SYN3: variants seen among roughly 807,000 people sequenced by gnomAD.
SYN3 encodes synapsin III, also known as synapsin-3.
A neutral mutation model predicts 65.8 loss-of-function variants in SYN3; 35 were observed. The ratio of observed to expected loss-of-function variants is 0.53; its 90% CI spans 0.41 to 0.70. The LOEUF is 0.70. Ranked by LOEUF, SYN3 falls within the 30% of genes least tolerant of loss-of-function variation. The pLI is 0.00. For synonymous variants in SYN3, 270 were observed against 292.9 expected (o/e 0.92, Z 0.80); for missense variants, 680 against 749.0 (o/e 0.91, Z 1.08).
chr22:32,536,426 G>A (rs922122819), intron 9 of SYN3, among the ~76,000 whole-genome samples: 3 of 118,520 alleles, frequency 2.5e-5, no homozygotes, highest in African/African-American at 1.1e-4. Context: ...ACTCTGACTT[G>A]GGTATTACTA....
At chr22:32,726,789 C>T (rs138058882) in intron 6 of SYN3, among the ~76,000 whole-genome samples, 148 of 152,216 alleles carry the variant, frequency 9.7e-4, no homozygotes, top group African/African-American at 3.4e-3. Flanking sequence ...TTAAGGGCAA[C>T]GGTGACACTC....
chr22:32,847,722 G>A (rs1388275250), intron 6 of SYN3, among the ~76,000 whole-genome samples: 3 of 152,162 alleles, frequency 2.0e-5, no homozygotes, highest in African/African-American at 4.8e-5. Flanking sequence ...TGTGTGTGAA[G>A]GGTATTTTAC....
chr22:32,704,907 T>A (rs2060860056), intron 6 of SYN3, among the ~76,000 whole-genome samples: 2 of 152,310 alleles, frequency 1.3e-5, no homozygotes, highest in Admixed American at 6.5e-5. Flanking sequence ...TAATGGGTTG[T>A]CTGTTTTTCT....
chr22:32,740,900 T>G (rs7288324), intron 6 of SYN3, among the ~76,000 whole-genome samples: 9,397 of 152,202 alleles, frequency 0.062, 305 homozygotes, highest in African/African-American at 0.088. Flanking sequence ...GAGGTGATCT[T>G]GATGGTCCAT....
At chr22:32,673,508 C>T (rs1461574550) in intron 6 of SYN3, among the ~76,000 whole-genome samples, 1 of 152,200 alleles carries the variant, frequency 6.6e-6, no homozygotes, top group Non-Finnish European at 1.5e-5. Context: ...TCACTGTGTA[C>T]TAGGGAAGGC....
At chr22:32,790,979 C>T (rs2145878310) in intron 6 of SYN3, among the ~76,000 whole-genome samples, 1 of 152,274 alleles carries the variant, frequency 6.6e-6, no homozygotes, top group Non-Finnish European at 1.5e-5. Flanking sequence ...ATCTTTTTAA[C>T]TGATCACTAG....
At chr22:32,540,155 A>T (rs1432363469) in intron 8 of SYN3, among the ~76,000 whole-genome samples, 1 of 152,244 alleles carries the variant, frequency 6.6e-6, no homozygotes, top group Non-Finnish European at 1.5e-5. Flanking sequence ...TAGCCCGTCA[A>T]GCCTAAAATT....
chr22:32,733,546 T>C (rs2061298151), intron 6 of SYN3, among the ~76,000 whole-genome samples: 3 of 152,248 alleles, frequency 2.0e-5, no homozygotes, highest in Admixed American at 2.0e-4. Flanking sequence ...TTCTATCTGA[T>C]GTCTAACATG....
chr22:32,579,279 G>C (rs2146478942), intron 7 of SYN3, among the ~76,000 whole-genome samples: 1 of 152,182 alleles, frequency 6.6e-6, no homozygotes, highest in South Asian at 2.1e-4. Flanking sequence ...AGTCTGTCTG[G>C]GCTGCCATAA....
At position 32,864,937 on chromosome 22, in the gene SYN3, A is replaced by C; in HGVS notation, c.689T>G (p.Phe230Cys). 1 of 1,614,092 alleles carries C rather than the reference A, an allele frequency of 6.2e-7. No individual in the cohort carries two copies. The highest frequency in any genetic ancestry group is 8.5e-7 in the Non-Finnish European group (1 of 1,179,976). Reference protein sequence around the residue: ...PEKFPLVEQTFFPNHKPMVTA... With the variant: ...PEKFPLVEQTCFPNHKPMVTA... ...CACCATTGGCTTATGGTTGGGGAAA[A>C]ATGTTTGCTCCACAAGCGGGAACTT... Residue 230 changes from phenylalanine (F) to cysteine (C), a missense_variant, in exon 6 of 14, where the codon TTT (phenylalanine) becomes TGT (cysteine). Transcript: ENST00000358763.
chr22:32,526,507 A>G (rs2057978995), intron 12 of SYN3, among the ~76,000 whole-genome samples: 1 of 151,604 alleles, frequency 6.6e-6, no homozygotes, highest in African/African-American at 2.4e-5. Flanking sequence ...ATATATATAT[A>G]ATTTATTTAT....
chr22:33,028,708 G>A, intron 1 of SYN3, among the ~76,000 whole-genome samples: 1 of 148,736 alleles, frequency 6.7e-6, no homozygotes, highest in Admixed American at 6.7e-5. Flanking sequence ...TGGTGGTGGT[G>A]GTGGTGGGGT....
At chr22:32,746,471 C>T (rs2044935524) in intron 6 of SYN3, among the ~76,000 whole-genome samples, 2 of 151,810 alleles carry the variant, frequency 1.3e-5, no homozygotes, top group Admixed American at 6.5e-5. Context: ...TAGCTTAAAG[C>T]GTGGACAAAC....
chr22:33,031,958 C>T (rs1011916381), intron 1 of SYN3, among the ~76,000 whole-genome samples: 3 of 152,108 alleles, frequency 2.0e-5, no homozygotes, highest in Non-Finnish European at 2.9e-5. Flanking sequence ...CCTGTCATCC[C>T]GGCACTTTAA....
intron 7 of SYN3, among the ~76,000 whole-genome samples, chr22:32,571,937 C>T (rs938059129): frequency 5.9e-5 from 9 of 151,866 alleles, no homozygotes; most frequent in East Asian, 1.9e-4. Flanking sequence ...TCGGTGTTGG[C>T]GCTCCAGTTG....
intron 1 of SYN3, among the ~76,000 whole-genome samples, chr22:33,039,237 A>C (rs73162097): frequency 6.6e-6 from 1 of 152,144 alleles, no homozygotes; most frequent in Non-Finnish European, 1.5e-5. Context: ...TGGAGCCAGC[A>C]TTCAAATTTA....
chr22:32,821,597 C>T (rs921354587), intron 6 of SYN3, among the ~76,000 whole-genome samples: 2 of 152,202 alleles, frequency 1.3e-5, no homozygotes, highest in Admixed American at 6.5e-5. Flanking sequence ...TTAAGATGAT[C>T]TCAGCTGAGG....
Position 32,657,357 on chromosome 22 carries a change from T to TCA in SYN3, c.712-60622_712-60621insTG, listed in dbSNP as rs546539586. ...CCAGGATGGTCTCGATCTACTGACA[T>TCA]TGTGATCCACCCTCCTCAGCCTCCC... On this transcript the variant is annotated intron_variant, in intron 6 of 13. Coordinates refer to ENST00000358763, the MANE Select transcript of SYN3 (RefSeq NM_003490.4). Among the ~76,000 whole-genome samples the TCA allele has an allele frequency of 5.3e-5, 8 of 151,782 alleles. No individual in the cohort carries two copies. In the South Asian group the frequency reaches 1.7e-3, roughly 32 times the overall value.
chr22:32,784,046 T>C (rs1045982496), intron 6 of SYN3, among the ~76,000 whole-genome samples: 5 of 152,248 alleles, frequency 3.3e-5, no homozygotes, highest in Non-Finnish European at 7.3e-5. Flanking sequence ...GTGTTTGTTA[T>C]TTTTTCCTCT....
Sources: allele counts gnomAD v4.1 joint callset (sites outside exome capture counted in the v4.1 genomes callset), GRCh38; gene constraint gnomAD v4.1.1; transcripts MANE v1.5; gene names NCBI Gene and HGNC (gene_info 2026-07-23, HGNC 2026-07-21).